Variants in DENND4C observed in about 807,000 individuals in gnomAD.
The protein encoded by DENND4C is DENN domain-containing protein 4C.
In DENND4C, 108 loss-of-function variants were observed where a neutral mutation model predicts 203.0. The ratio of observed to expected loss-of-function variants is 0.53; its 90% confidence interval spans 0.46 to 0.62. The LOEUF (loss-of-function observed/expected upper bound fraction) is 0.62, where lower values mean the gene tolerates loss of function less well. Among genes scored for constraint, DENND4C ranks in the 20% least tolerant of loss-of-function variants. The pLI is 0.00. For synonymous variants in DENND4C, 871 were observed against 792.4 expected, an observed-to-expected ratio of 1.10 and a Z score of -1.67; for missense variants, 2,481 against 2,301.2, an observed-to-expected ratio of 1.08 and a Z score of -1.60.
chr9:19,284,977 G>A (rs533624245), intron 2 of DENND4C, among the ~76,000 whole-genome samples: 1 of 152,044 alleles, frequency 6.6e-6, no homozygotes, highest in South Asian at 2.1e-4. Context: ...TATACTTTTA[G>A]CACTAGTATG....
In DENND4C at chr9:19,336,939, A is replaced by C. The variant is rs535677811; in HGVS notation, c.2881+107A>C. 10 of 1,051,908 alleles carry C rather than the reference A, an allele frequency of 9.5e-6. No homozygotes were observed. The African/African-American group carries it at 1.6e-4, about 17-fold the overall frequency. The allele number at this position is 1,051,908 out of a possible 1,614,324, so 65.2% of individuals were successfully genotyped here. A position where few individuals can be genotyped will look rare whatever the true frequency, so the allele number is the denominator to read the frequency against. ...GAGTTTGTGTGATATGACTACTTTA[A>C]AAGTACTGTATGCTTACAAGAGAAA... is the stretch of plus-strand genomic sequence containing the variant. On this transcript the variant is annotated intron_variant, in intron 20 of 32. Coordinates refer to ENST00000434457, the MANE Select transcript of DENND4C (RefSeq NM_001330640.2).
At position 19,354,593 on chromosome 9, in the gene DENND4C, C is replaced by T. The variant is rs538843197; in HGVS notation, c.4781+1928C>T. 4.6e-3 allele frequency among the ~76,000 whole-genome samples: 564 copies of T among 122,786 alleles called. 2 individuals are homozygous for T. The highest frequency in any genetic ancestry group is 7.5e-3 in the Non-Finnish European group (474 of 62,828). 80.6% of individuals were successfully genotyped at this position (122,786 alleles called of 152,430 possible). A position where few individuals can be genotyped will look rare whatever the true frequency, so the allele number is the denominator to read the frequency against. ...TTTGGAGACAGAGTTTCACTCTTGT[C>T]GCCCAGGCTGGAGTCCAATGGCACA... On this transcript the variant is annotated intron_variant, in intron 26 of 32. Coordinates refer to ENST00000434457, the MANE Select transcript of DENND4C (RefSeq NM_001330640.2).
At chr9:19,278,407 G>A (rs976061072) in intron 2 of DENND4C, among the ~76,000 whole-genome samples, 1 of 152,112 alleles carries the variant, frequency 6.6e-6, no homozygotes, top group African/African-American at 2.4e-5. Flanking sequence ...GGGGTTACAA[G>A]CGTGAGTTAC....
intron 1 of DENND4C, among the ~76,000 whole-genome samples, chr9:19,260,579 G>A (rs540879098): frequency 1.2e-4 from 19 of 152,114 alleles, no homozygotes; most frequent in Non-Finnish European, 8.8e-5. Context: ...TGTATTTTTA[G>A]TAGAGACGGG....
chr9:19,251,580 T>G (rs1472088867), intron 1 of DENND4C, among the ~76,000 whole-genome samples: 2 of 152,208 alleles, frequency 1.3e-5, no homozygotes, highest in East Asian at 3.8e-4. Flanking sequence ...GGATGCAAAT[T>G]TTCTGAACTT....
chr9:19,268,820 C>T (rs1831043706), intron 1 of DENND4C, among the ~76,000 whole-genome samples: 1 of 152,044 alleles, frequency 6.6e-6, no homozygotes, highest in Admixed American at 6.6e-5. Flanking sequence ...ATTAGAGCTC[C>T]TTTGTATGCT....
chr9:19,241,756 G>A (rs1254446485), intron 1 of DENND4C, among the ~76,000 whole-genome samples: 1 of 151,912 alleles, frequency 6.6e-6, no homozygotes, highest in South Asian at 2.1e-4. Flanking sequence ...GGTGACTCTC[G>A]CCTGTAATCT....
chr9:19,248,359 A>C (rs1210961356), intron 1 of DENND4C, among the ~76,000 whole-genome samples: 1 of 151,490 alleles, frequency 6.6e-6, no homozygotes, highest in Non-Finnish European at 1.5e-5. Context: ...TTGCTCCTTC[A>C]TGCCACTTAG....
rs971575681 is a variant in DENND4C at position 19,237,852 on chromosome 9, A to G, written c.-18+7019A>G. Among the ~76,000 whole-genome samples the G allele has an allele frequency of 1.4e-4, 22 of 152,298 alleles. 2 individuals are homozygous for G. The highest frequency in any genetic ancestry group is 4.6e-4 in the Admixed American group (7 of 15,298). On this transcript the variant is annotated intron_variant, in intron 1 of 32. Transcript: ENST00000434457. ...AAAAAGTAGCGATAAGTGAAATTAA[A>G]TTTAATGTATTTTTAATTTCACTAC...
At chr9:19,370,489 TAAG>T (rs931728425) in intron 31 of DENND4C, among the ~76,000 whole-genome samples, 9 of 152,140 alleles carry the variant, frequency 5.9e-5, no homozygotes, top group African/African-American at 2.2e-4. Context: ...GATTCCATTT[TAAG>T]AAGATCATTC....
At chr9:19,350,636 AGT>A in intron 23 of DENND4C, 64 bp from the exon 24 acceptor site, 11 of 1,360,972 alleles carry the variant, frequency 8.1e-6, no homozygotes, top group Non-Finnish European at 1.1e-5. Context: ...AAAAGGGTAG[AGT>A]GGGTATAATC....
In DENND4C at chr9:19,230,699, G is replaced by A. The variant is rs1003959110; in HGVS notation, c.-152G>A. On this transcript the variant is annotated 5_prime_UTR_variant, in exon 1 of 33. Coordinates refer to ENST00000434457, the MANE Select transcript of DENND4C (RefSeq NM_001330640.2). ...CGCGAGGCGGCGCAGGCGCAGACCG[G>A]ACTGAGGCGGCGGCGGCCGCTGGAG... The A allele has an allele frequency of 8.5e-5, 13 of 152,204 alleles. No homozygotes were observed. The highest frequency in any genetic ancestry group is 2.9e-4 in the African/African-American group (12 of 41,454). The allele number at this position is 152,204 out of a possible 1,614,324, so 9.4% of individuals were successfully genotyped here.
At chr9:19,345,003 GT>G (rs2131984759) in intron 22 of DENND4C, among the ~76,000 whole-genome samples, 1 of 152,116 alleles carries the variant, frequency 6.6e-6, no homozygotes, top group African/African-American at 2.4e-5. Context: ...ATTCATCAGG[GT>G]TCCACTTTCA....
At chr9:19,319,224 T>TATACACATATATGTATATATATATAC (rs1842364233) in intron 12 of DENND4C, among the ~76,000 whole-genome samples, 1 of 146,630 alleles carries the variant, frequency 6.8e-6, no homozygotes, top group Non-Finnish European at 1.5e-5. Context: ...TATATATATA[T>TATACACATATATGTATATATATATAC]ACACATTTAT....
chr9:19,346,027 A>G lies in DENND4C; in HGVS notation c.3258A>G (p.Gln1086=). The change falls in exon 23 of 33, where the codon CAA becomes CAG. Residue 1086 remains glutamine (Q), a synonymous_variant. Transcript: ENST00000434457. The part of the protein sequence containing the change: ...KKNGDRGEKR[Q]KHFPERSCSF... Reference sequence around the variant, plus strand: ...ATGGTGATAGAGGAGAAAAAAGACAAAAGCATTTTCCTGAGAGGAGTTGTA... The same window carrying G: ...ATGGTGATAGAGGAGAAAAAAGACAGAAGCATTTTCCTGAGAGGAGTTGTA... 1 of 1,614,164 alleles carries G rather than the reference A, an allele frequency of 6.2e-7. No individual in the cohort carries two copies. The highest frequency in any genetic ancestry group is 2.2e-5 in the East Asian group (1 of 44,886).
chr9:19,345,819 T>C, intron 22 of DENND4C, 102 bp from the exon 23 acceptor site: 5 of 1,093,402 alleles, frequency 4.6e-6, no homozygotes, highest in Non-Finnish European at 6.3e-6. Context: ...GATCTTTTAT[T>C]CTGAGTATAT....
chr9:19,346,109 A>G lies in DENND4C; in HGVS notation c.3340A>G (p.Asn1114Asp), dbSNP rs773752593. The G allele has an allele frequency of 6.2e-7, 1 of 1,614,226 alleles. No homozygotes were observed. The highest frequency in any genetic ancestry group is 8.5e-7 in the Non-Finnish European group (1 of 1,180,038). ...GCTTAAGAAGAGTAGTTTGGATTCG[A>G]ATTCAAGTGAAATGGCTATCATGAT... ...MLLKKSSLDSNSSEMAIMMGA... is the reference protein window; with the variant it reads ...MLLKKSSLDSDSSEMAIMMGA... Residue 1114 changes from asparagine to aspartate, a missense_variant, in exon 23 of 33, where the codon AAT becomes GAT. Coordinates refer to ENST00000434457, the MANE Select transcript of DENND4C (RefSeq NM_001330640.2).
chr9:19,260,164 T>G (rs978195495), intron 1 of DENND4C, among the ~76,000 whole-genome samples: 4 of 152,214 alleles, frequency 2.6e-5, no homozygotes, highest in African/African-American at 9.6e-5. Flanking sequence ...TTTTAACTGG[T>G]GTGAGATGAT....
At chr9:19,250,999 C>T (rs1428776941) in intron 1 of DENND4C, among the ~76,000 whole-genome samples, 2 of 152,204 alleles carry the variant, frequency 1.3e-5, no homozygotes, top group South Asian at 4.1e-4. Flanking sequence ...CGGTGACCAC[C>T]TTCTCACAGC....
Sources: allele counts gnomAD v4.1 joint callset (sites outside exome capture counted in the v4.1 genomes callset), GRCh38; gene constraint gnomAD v4.1.1; transcripts MANE v1.5; gene names NCBI Gene and HGNC (gene_info 2026-07-23, HGNC 2026-07-21).